The following CDYL variants were observed in gnomAD, a reference collection of about 807,000 sequenced individuals.
CDYL encodes chromodomain Y-like protein.
Under a neutral mutation model 47.3 loss-of-function variants are expected in CDYL, and 8 were observed. The ratio of observed to expected loss-of-function variants is 0.17; its 90% CI spans 0.10 to 0.31. The LOEUF (loss-of-function observed/expected upper bound fraction) is 0.31, where lower values mean the gene tolerates loss of function less well. Among genes scored for constraint, CDYL ranks in the 10% least tolerant of loss-of-function variants. The pLI is 1.00. For missense variants in CDYL, 471 were observed against 701.4 expected (o/e 0.67, Z 3.71); for synonymous variants, 266 against 265.0 (o/e 1.00, Z -0.04).
intron 5 of CDYL, among the ~76,000 whole-genome samples, chr6:4,949,044 A>G (rs1758615767): frequency 1.3e-5 from 2 of 152,240 alleles, no homozygotes; most frequent in Non-Finnish European, 2.9e-5. Context: ...CATTATCAAG[A>G]TAAAAAGAAT....
chr6:4,910,021 A>T (rs1408058915), intron 2 of CDYL, among the ~76,000 whole-genome samples: 1 of 132,884 alleles, frequency 7.5e-6, no homozygotes. Context: ...ATATATATAC[A>T]TATACACACA....
intron 1 of CDYL, among the ~76,000 whole-genome samples, chr6:4,871,830 C>T (rs563512169): frequency 1.4e-4 from 22 of 152,150 alleles, no homozygotes; most frequent in Non-Finnish European, 2.8e-4. Flanking sequence ...ATTCATGTTA[C>T]GGCTCTAGGA....
At chr6:4,821,314 G>C (rs1034436932) in intron 1 of CDYL, among the ~76,000 whole-genome samples, 1 of 112,096 alleles carries the variant, frequency 8.9e-6, no homozygotes, top group African/African-American at 3.5e-5. Context: ...CTCTCACTCT[G>C]TCGCCCAGGC....
intron 4 of CDYL, among the ~76,000 whole-genome samples, chr6:4,940,059 G>A (rs915573171): frequency 1.3e-5 from 2 of 152,122 alleles, no homozygotes; most frequent in African/African-American, 4.8e-5. Context: ...TGTGGCGCTG[G>A]GATCAGTAAA....
chr6:4,811,048 A>G (rs1294295650), intron 1 of CDYL, among the ~76,000 whole-genome samples: 1 of 152,250 alleles, frequency 6.6e-6, no homozygotes, highest in Non-Finnish European at 1.5e-5. Flanking sequence ...GATCAGCCGT[A>G]CAGAGGTCCA....
At chr6:4,718,009 C>T (rs889156980) in intron 2 of CDYL, among the ~76,000 whole-genome samples, 2 of 151,868 alleles carry the variant, frequency 1.3e-5, no homozygotes, top group Non-Finnish European at 2.9e-5. Flanking sequence ...CCACACCCGG[C>T]TGATTTTATA....
intron 2 of CDYL, among the ~76,000 whole-genome samples, chr6:4,922,068 C>G (rs1051410082): frequency 2.0e-5 from 3 of 152,146 alleles, no homozygotes; most frequent in Non-Finnish European, 4.4e-5. Context: ...CCTCATGGGC[C>G]TGAATTTGGT....
intron 1 of CDYL, among the ~76,000 whole-genome samples, chr6:4,862,876 G>A (rs1041683996): frequency 2.0e-5 from 3 of 152,042 alleles, no homozygotes; most frequent in Admixed American, 6.6e-5. Context: ...AAAAGAAATC[G>A]TTCTGTCAAA....
chr6:4,861,315 G>C (rs1761162574), intron 1 of CDYL, among the ~76,000 whole-genome samples: 1 of 152,212 alleles, frequency 6.6e-6, no homozygotes, highest in Non-Finnish European at 1.5e-5. Flanking sequence ...AGTTGTCTCA[G>C]GGCCAGGCTG....
upstream of CDYL, among the ~76,000 whole-genome samples, chr6:4,771,406 G>A (rs920956983): frequency 6.6e-6 from 1 of 152,114 alleles, no homozygotes; most frequent in Non-Finnish European, 1.5e-5. Flanking sequence ...CAGCCACCAC[G>A]TCCAGCTGAG....
chr6:4,923,196 A>G (rs990468552), intron 2 of CDYL, among the ~76,000 whole-genome samples: 1 of 152,154 alleles, frequency 6.6e-6, no homozygotes, highest in Non-Finnish European at 1.5e-5. Flanking sequence ...TTAATTTTAT[A>G]TCTGTTAACT....
intron 2 of CDYL, among the ~76,000 whole-genome samples, chr6:4,934,002 G>T (rs966331061): frequency 2.6e-5 from 4 of 152,182 alleles, no homozygotes; most frequent in Non-Finnish European, 5.9e-5. Context: ...TATTGTGGAA[G>T]GAATAACCAT....
At chr6:4,914,020 T>G (rs1757486292) in intron 2 of CDYL, among the ~76,000 whole-genome samples, 1 of 152,296 alleles carries the variant, frequency 6.6e-6, no homozygotes, top group Admixed American at 6.5e-5. Flanking sequence ...CTCTATGGTT[T>G]CTCCTCTCCT....
intron 1 of CDYL, among the ~76,000 whole-genome samples, chr6:4,709,228 C>A (rs905697894): frequency 6.6e-6 from 1 of 151,808 alleles, no homozygotes; most frequent in Non-Finnish European, 1.5e-5. Context: ...CAGGGTCTCA[C>A]TTTATTGCCC....
At chr6:4,707,401 CTG>C (rs1757066627) in intron 1 of CDYL, among the ~76,000 whole-genome samples, 1 of 152,198 alleles carries the variant, frequency 6.6e-6, no homozygotes, top group Non-Finnish European at 1.5e-5. Context: ...CCTCAGCCTC[CTG>C]AGTAGCTGGG....
In CDYL at chr6:4,727,092, A is replaced by T. The variant is rs191384067; in HGVS notation, c.104-7670A>T. ...AATGTTACATTTTAGTAATTTAAAA[A>T]ATATATTTTCCCCAAAACCAGAAAC... is the stretch of plus-strand genomic sequence containing the variant. On this transcript the variant is annotated intron_variant, in intron 2 of 8. Coordinates refer to the CDYL transcript ENST00000328908. Among the ~76,000 whole-genome samples the T allele has an allele frequency of 4.7e-3, 718 of 152,244 alleles. 9 individuals carry two copies. Among genetic ancestry groups the T allele is most frequent in the African/African-American group, 0.016 (671 of 41,506 alleles).
At chr6:4,885,471 A>G (rs1761876410) in intron 1 of CDYL, among the ~76,000 whole-genome samples, 1 of 152,178 alleles carries the variant, frequency 6.6e-6, no homozygotes, top group Non-Finnish European at 1.5e-5. Context: ...CAGAGTGCAT[A>G]TAGGGCTGGG....
chr6:4,954,019 T>C lies in CDYL; in HGVS notation c.1598T>C (p.Met533Thr). 6.2e-7 allele frequency: 1 copy of C among 1,614,000 alleles called. No homozygotes were observed. Among genetic ancestry groups the C allele is most frequent in the Non-Finnish European group, 8.5e-7 (1 of 1,179,986 alleles). ...IWGSAQGMDS[M>T]LKYLQRKIDE... ...GGCTCGGCCCAGGGGATGGACTCCATGTTAAAGTACTTGCAGAGGAAGATC... is the reference window on the plus strand; with the variant it reads ...GGCTCGGCCCAGGGGATGGACTCCACGTTAAAGTACTTGCAGAGGAAGATC... The change falls in exon 7 of 7, where the codon ATG becomes ACG. Residue 533 changes from methionine (M) to threonine (T), a missense_variant. Transcript: ENST00000397588.
intron 2 of CDYL, among the ~76,000 whole-genome samples, chr6:4,917,412 T>C (rs1339094090): frequency 1.3e-5 from 2 of 152,156 alleles, no homozygotes; most frequent in African/African-American, 4.8e-5. Flanking sequence ...TAGCTTCTTG[T>C]TGGGGTTTGT....
Sources: gnomAD v4.1 joint callset for allele counts (sites outside exome capture counted in the v4.1 genomes callset) on GRCh38, gnomAD v4.1.1 for gene constraint, MANE v1.5 for transcripts, NCBI Gene and HGNC (gene_info 2026-07-23, HGNC 2026-07-21) for gene names.